The following SLIT3 variants were observed in gnomAD, a reference collection of about 807,000 sequenced individuals.
SLIT3 encodes the protein slit homolog 3 protein.
In SLIT3, 68 loss-of-function variants were observed where a neutral mutation model predicts 184.0. That is an observed-to-expected ratio of 0.37 (90% CI 0.30 to 0.45). The LOEUF is 0.45. SLIT3 is among the 20% of genes least tolerant of loss of function. The pLI, the probability that SLIT3 is intolerant of heterozygous loss-of-function variation, is 1.00. For synonymous variants in SLIT3, 831 were observed against 828.6 expected (o/e 1.00, Z -0.05); for missense variants, 1,707 against 2,026.0 (o/e 0.84, Z 3.02).
chr5:168,774,832 C>G (rs1291228963), intron 12 of SLIT3, among the ~76,000 whole-genome samples: 1 of 152,216 alleles, frequency 6.6e-6, no homozygotes, highest in East Asian at 1.9e-4. Flanking sequence ...TACTGGAAAT[C>G]TGATGAAAGT....
intron 20 of SLIT3, among the ~76,000 whole-genome samples, chr5:168,725,334 C>G (rs1763074029): frequency 6.6e-6 from 1 of 152,214 alleles, no homozygotes; most frequent in Admixed American, 6.5e-5. Context: ...TCATGAATTA[C>G]AAAGGTTATT....
chr5:168,801,434 A>G (rs1476403014), intron 9 of SLIT3, among the ~76,000 whole-genome samples: 3 of 152,162 alleles, frequency 2.0e-5, no homozygotes, highest in Non-Finnish European at 4.4e-5. Context: ...AGGCAGGGTG[A>G]AAACTGGGGC....
intron 1 of SLIT3, among the ~76,000 whole-genome samples, chr5:169,267,981 C>G (rs1561777517): frequency 6.6e-6 from 1 of 152,174 alleles, no homozygotes; most frequent in Non-Finnish European, 1.5e-5. Context: ...AACGAAGGAA[C>G]AGCCCAAGGA....
chr5:169,069,394 G>A lies in SLIT3; in HGVS notation c.413+124085C>T, dbSNP rs1012616272. Reference sequence around the variant, plus strand: ...AGAATGCATGTCCCAGGAGATCACCGTCACAGTCCTTTTAGGGTCAGAGTT... The same window carrying A: ...AGAATGCATGTCCCAGGAGATCACCATCACAGTCCTTTTAGGGTCAGAGTT... On this transcript the variant is annotated intron_variant, in intron 4 of 35. Transcript: ENST00000519560. Among the ~76,000 whole-genome samples, 7 of 152,306 alleles carry A rather than the reference G, an allele frequency of 4.6e-5. No individual in the cohort carries two copies. In the South Asian group the frequency reaches 8.3e-4, roughly 18 times the overall value.
intron 4 of SLIT3, among the ~76,000 whole-genome samples, chr5:168,987,171 C>T (rs1440839321): frequency 6.6e-6 from 1 of 152,190 alleles, no homozygotes; most frequent in African/African-American, 2.4e-5. Flanking sequence ...CTTCAAATCC[C>T]ACCTTCCCCT....
intron 5 of SLIT3, among the ~76,000 whole-genome samples, chr5:168,876,919 T>C (rs1759753220): frequency 6.6e-6 from 1 of 152,232 alleles, no homozygotes; most frequent in Non-Finnish European, 1.5e-5. Flanking sequence ...ATGGTATATA[T>C]AATTTTCATA....
At chr5:168,997,879 G>C (rs1351199411) in intron 4 of SLIT3, among the ~76,000 whole-genome samples, 1 of 152,116 alleles carries the variant, frequency 6.6e-6, no homozygotes, top group Non-Finnish European at 1.5e-5. Context: ...CGCAACCCTT[G>C]CATGGCTTTA....
At chr5:169,094,431 C>T (rs1248366234) in intron 4 of SLIT3, among the ~76,000 whole-genome samples, 3 of 152,212 alleles carry the variant, frequency 2.0e-5, no homozygotes, top group Non-Finnish European at 4.4e-5. Flanking sequence ...GAGTTTGAGA[C>T]CAGCCTGGCC....
At chr5:168,996,469 C>T (rs894487717) in intron 4 of SLIT3, among the ~76,000 whole-genome samples, 9 of 152,190 alleles carry the variant, frequency 5.9e-5, no homozygotes, top group African/African-American at 2.2e-4. Context: ...ACACTGTCCC[C>T]CTGCCCCAAA....
intron 1 of SLIT3, among the ~76,000 whole-genome samples, chr5:169,296,841 G>A (rs1197783347): frequency 3.9e-5 from 6 of 152,198 alleles, no homozygotes; most frequent in Non-Finnish European, 7.3e-5. Context: ...AGAGCCAAGT[G>A]AAAAACCAAA....
chr5:168,945,852 C>T (rs1762459634), intron 4 of SLIT3, among the ~76,000 whole-genome samples: 1 of 152,198 alleles, frequency 6.6e-6, no homozygotes. Context: ...TCCACTAGGC[C>T]TGGGCCAAAT....
chr5:169,026,793 C>T (rs1270881893), intron 4 of SLIT3, among the ~76,000 whole-genome samples: 1 of 144,054 alleles, frequency 6.9e-6, no homozygotes, highest in African/African-American at 2.8e-5. Flanking sequence ...ATACTATCAT[C>T]AGAAAAAAAA....
chr5:169,023,219 A>G (rs770134439), intron 4 of SLIT3, among the ~76,000 whole-genome samples: 1 of 152,042 alleles, frequency 6.6e-6, no homozygotes, highest in Non-Finnish European at 1.5e-5. Context: ...GATCCTGAAC[A>G]CTCAGGCTTT....
At chr5:169,222,357 C>T (rs910812481) in intron 3 of SLIT3, among the ~76,000 whole-genome samples, 8 of 152,096 alleles carry the variant, frequency 5.3e-5, no homozygotes, top group Non-Finnish European at 8.8e-5. Flanking sequence ...CCTTGGGGCA[C>T]GTAGAAGGAA....
chr5:169,002,273 G>A (rs1174188498), intron 4 of SLIT3, among the ~76,000 whole-genome samples: 1 of 123,430 alleles, frequency 8.1e-6, no homozygotes, highest in African/African-American at 3.1e-5. Flanking sequence ...AGTGAGCCAG[G>A]ATGCACTCCA....
chr5:168,789,520 C>A (rs768936020), intron 11 of SLIT3, 40 bp downstream of exon 11: 2 of 1,535,880 alleles, frequency 1.3e-6, no homozygotes, highest in East Asian at 2.3e-5. Context: ...CCAGCGCCCC[C>A]CCTCCCCTCA....
chr5:168,808,846 G>C (rs567163342), intron 8 of SLIT3, among the ~76,000 whole-genome samples: 1 of 152,296 alleles, frequency 6.6e-6, no homozygotes, highest in South Asian at 2.1e-4. Flanking sequence ...CAGGGTGTTT[G>C]AAGTACAGAT....
intron 1 of SLIT3, among the ~76,000 whole-genome samples, chr5:169,252,785 T>A (rs944723861): frequency 2.0e-5 from 3 of 152,322 alleles, no homozygotes; most frequent in South Asian, 2.1e-4. Flanking sequence ...GATGCCACCC[T>A]GCAATTATGC....
At chr5:168,671,556 C>T in intron 33 of SLIT3, 73 bp from the exon 34 acceptor site, 1 of 1,471,476 alleles carries the variant, frequency 6.8e-7, no homozygotes, top group Non-Finnish European at 9.2e-7. Flanking sequence ...AGCGAAAAAG[C>T]ACTTTTCACA....
Sources: gnomAD v4.1 joint callset for allele counts (sites outside exome capture counted in the v4.1 genomes callset) on GRCh38, gnomAD v4.1.1 for gene constraint, MANE v1.5 for transcripts, NCBI Gene and HGNC (gene_info 2026-07-23, HGNC 2026-07-21) for gene names.